Variants in TOX2 observed in about 807,000 individuals in gnomAD.
TOX2 encodes TOX high mobility group box family member 2.
A neutral mutation model predicts 47.4 loss-of-function variants in TOX2; 15 were observed. That is an observed-to-expected ratio of 0.32 (90% CI 0.21 to 0.49). The LOEUF (loss-of-function observed/expected upper bound fraction) is 0.49, where lower values mean the gene tolerates loss of function less well. TOX2 is among the 20% of genes least tolerant of loss of function. TOX2 has a pLI of 0.99. For synonymous variants in TOX2, 290 were observed against 296.6 expected, an observed-to-expected ratio of 0.98 and a Z score of 0.23; for missense variants, 622 against 673.1, an observed-to-expected ratio of 0.92 and a Z score of 0.84.
chr20:43,915,407 G>C lies in TOX2; in HGVS notation c.99+417G>C, dbSNP rs1278039695. Among the ~76,000 whole-genome samples the C allele has an allele frequency of 6.6e-6, 1 of 152,056 alleles. No individual in the cohort carries two copies. The highest frequency in any genetic ancestry group is 2.4e-5 in the African/African-American group (1 of 41,406). On this transcript the variant is annotated intron_variant, in intron 1 of 8. Coordinates refer to ENST00000341197, the MANE Select transcript of TOX2 (RefSeq NM_001098797.2). The surrounding 1 kb of genome is among the most constrained non-coding windows in gnomAD (Gnocchi z 7.1). ...CACCGCCACAGACGAGTCACCCACAGACGCTCCGATGCCCCACACACCGTG... is the reference window on the plus strand; with the variant it reads ...CACCGCCACAGACGAGTCACCCACACACGCTCCGATGCCCCACACACCGTG...
rs578176055 is a variant in TOX2 at position 43,923,675 on chromosome 20, C to A, written c.99+8685C>A. ...GACATGGTTAGGTGTCCTTCTCAAG[C>A]CCCTTGGTGGGTTGTGGGGAGAGTC... On this transcript the variant is annotated intron_variant, in intron 1 of 8. Transcript: ENST00000341197. Among the ~76,000 whole-genome samples, 6 of 152,304 alleles carry A rather than the reference C, an allele frequency of 3.9e-5. No individual in the cohort carries two copies. The South Asian group carries it at 8.3e-4, about 21-fold the overall frequency.
At chr20:44,019,025 A>G (rs1299407840) in intron 3 of TOX2, among the ~76,000 whole-genome samples, 1 of 152,126 alleles carries the variant, frequency 6.6e-6, no homozygotes. Context: ...GCCAATGAAT[A>G]TTTCTGATGC....
chr20:43,932,918 G>A lies in TOX2; in HGVS notation c.99+17928G>A, dbSNP rs1025807963. Among the ~76,000 whole-genome samples, 16 of 152,176 alleles carry A rather than the reference G, an allele frequency of 1.1e-4. 1 individual carries two copies. The stretch of plus-strand genomic sequence containing the variant: ...CCCTCTTTCTAACACCTTCCCCGGG[G>A]TTGCTTTTGGGGAACATTTCCTGGC... On this transcript the variant is annotated intron_variant, in intron 1 of 8. Coordinates refer to ENST00000341197, the MANE Select transcript of TOX2 (RefSeq NM_001098797.2).
At chr20:43,954,190 G>A (rs1450395824) in intron 1 of TOX2, among the ~76,000 whole-genome samples, 2 of 152,020 alleles carry the variant, frequency 1.3e-5, no homozygotes, top group Admixed American at 6.6e-5. Flanking sequence ...CCCTGCATGC[G>A]AGAGCTTCTA....
intron 3 of TOX2, among the ~76,000 whole-genome samples, chr20:44,014,774 G>C (rs1412503170): frequency 6.6e-6 from 1 of 152,122 alleles, no homozygotes; most frequent in Non-Finnish European, 1.5e-5. Flanking sequence ...GGTTGGGGTG[G>C]CTTCAGCCTC....
chr20:44,065,886 T>A lies in TOX2; in HGVS notation c.1135T>A (p.Ser379Thr). The A allele has an allele frequency of 6.2e-7, 1 of 1,612,540 alleles. No individual in the cohort carries two copies. The highest frequency in any genetic ancestry group is 8.5e-7 in the Non-Finnish European group (1 of 1,179,036). Residue 379 changes from serine to threonine, a missense_variant, in exon 7 of 9, where the codon TCC becomes ACC. Ser to Thr is a moderately conservative substitution (Grantham distance 58). Around this residue, in one of 3 missense-constraint regions of TOX2, gnomAD observed 294 missense variants for 300.0 expected, o/e 0.98. Coordinates refer to ENST00000341197, the MANE Select transcript of TOX2 (RefSeq NM_001098797.2). ...SPASLARTLG[S>T]KSLLPGLSAS... ...TGCCAGCCTCGCCCGGACGCTGGGC[T>A]CCAAGTCTCTGCTGCCAGGCCTCAG...
intron 1 of TOX2, among the ~76,000 whole-genome samples, chr20:43,958,083 C>G (rs58497656): frequency 0.071 from 10,776 of 152,218 alleles, 435 homozygotes; most frequent in South Asian, 0.14. Flanking sequence ...GACAGCTTCC[C>G]CTTGTGTCTT....
intron 1 of TOX2, among the ~76,000 whole-genome samples, chr20:43,921,153 G>A (rs1413243461): frequency 6.6e-6 from 1 of 152,210 alleles, no homozygotes; most frequent in Non-Finnish European, 1.5e-5. Context: ...GCTTCCCCAA[G>A]TGGGCTCGGA....
At chr20:43,973,498 TGGGTGGAGGTAGG>T in intron 2 of TOX2, 66 bp downstream of exon 2, 1 of 1,493,208 alleles carries the variant, frequency 6.7e-7, no homozygotes, top group Non-Finnish European at 9.3e-7. Flanking sequence ...GAGCTGTTCC[TGGGTGGAGGTAGG>T]GGGTGCAGAA....
intron 3 of TOX2, among the ~76,000 whole-genome samples, chr20:44,027,398 C>T (rs180752635): frequency 2.0e-5 from 3 of 152,298 alleles, no homozygotes; most frequent in East Asian, 1.9e-4. Flanking sequence ...TGAGCCCACC[C>T]GGAACCCACC....
intron 5 of TOX2, among the ~76,000 whole-genome samples, chr20:44,057,271 TTTTCCCAG>T (rs1240363786): frequency 6.6e-6 from 1 of 152,190 alleles, no homozygotes. Context: ...TTCTGTTTTC[TTTTCCCAG>T]TTATGTTGAC....
chr20:43,978,901 A>G (rs1169851341), intron 2 of TOX2, among the ~76,000 whole-genome samples: 1 of 152,166 alleles, frequency 6.6e-6, no homozygotes, highest in African/African-American at 2.4e-5. Context: ...AGGGTTGGTA[A>G]TAGGCCAAGT....
intron 6 of TOX2, among the ~76,000 whole-genome samples, chr20:44,065,319 T>C (rs986067549): frequency 2.0e-5 from 3 of 152,170 alleles, no homozygotes; most frequent in Non-Finnish European, 4.4e-5. Context: ...GTGTTGTTCC[T>C]GGTACAGAAG....
chr20:43,918,074 C>T (rs1201434823), intron 1 of TOX2, among the ~76,000 whole-genome samples: 1 of 152,086 alleles, frequency 6.6e-6, no homozygotes, highest in African/African-American at 2.4e-5. Flanking sequence ...ACTTGTTTGG[C>T]TTTTTTGCAA....
chr20:44,000,029 A>T (rs150216852), intron 2 of TOX2, among the ~76,000 whole-genome samples: 39 of 152,338 alleles, frequency 2.6e-4, no homozygotes, highest in African/African-American at 9.1e-4. Flanking sequence ...GCCATTGCAA[A>T]GACTCTGGGG....
In TOX2 at chr20:44,063,618, G is replaced by A. The variant is rs530904357; in HGVS notation, c.880-1159G>A. Among the ~76,000 whole-genome samples, 6 of 152,196 alleles carry A rather than the reference G, an allele frequency of 3.9e-5. No individual in the cohort carries two copies. In the East Asian group the frequency reaches 1.2e-3, roughly 29 times the overall value. ...CCCACTGCTTGGTATCCACCCAGAGGAGAAGAAATTTTACAAAAAAGATAC... is the reference window on the plus strand; with the variant it reads ...CCCACTGCTTGGTATCCACCCAGAGAAGAAGAAATTTTACAAAAAAGATAC... On this transcript the variant is annotated intron_variant, in intron 5 of 8. Transcript: ENST00000341197.
At chr20:43,932,779 C>CA (rs1555830039) in intron 1 of TOX2, among the ~76,000 whole-genome samples, 3 of 139,462 alleles carry the variant, frequency 2.2e-5, no homozygotes, top group African/African-American at 3.1e-5. Flanking sequence ...TTGCTGCCCC[C>CA]CCCCGCCATT....
intron 3 of TOX2, among the ~76,000 whole-genome samples, chr20:44,027,054 G>A (rs896577204): frequency 5.3e-5 from 8 of 152,224 alleles, no homozygotes; most frequent in Non-Finnish European, 1.0e-4. Flanking sequence ...AAACACGGCA[G>A]TGTTTGTTGT....
intron 1 of TOX2, among the ~76,000 whole-genome samples, chr20:43,947,932 C>G (rs1392318969): frequency 1.3e-5 from 2 of 152,092 alleles, no homozygotes; most frequent in Non-Finnish European, 2.9e-5. Flanking sequence ...CACACATGCT[C>G]CCTGCCTGGA....
Sources: gnomAD v4.1 joint callset for allele counts (sites outside exome capture counted in the v4.1 genomes callset) on GRCh38, gnomAD v4.1.1 for gene constraint, gnomAD v4.1.1 regional missense constraint, Gnocchi (gnomAD v3.1) non-coding constraint, MANE v1.5 for transcripts, NCBI Gene and HGNC (gene_info 2026-07-23, HGNC 2026-07-21) for gene names.